Variants in NTNG2 observed in about 807,000 individuals in gnomAD.
NTNG2 encodes the protein netrin-G2.
NTNG2 carries 15 observed loss-of-function variants against 47.6 expected under a neutral mutation model. The ratio of observed to expected loss-of-function variants is 0.32; its 90% CI spans 0.21 to 0.49. NTNG2 has a LOEUF of 0.49. Among genes scored for constraint, NTNG2 ranks in the 20% least tolerant of loss-of-function variants. NTNG2 has a pLI of 0.99. For synonymous variants in NTNG2, 307 were observed against 324.6 expected (o/e 0.95, Z 0.58); for missense variants, 578 against 764.6 (o/e 0.76, Z 2.88).
At chr9:132,233,640 C>T (rs967248854) in intron 5 of NTNG2, 8 of 152,212 alleles carry the variant, frequency 5.3e-5, no homozygotes, top group African/African-American at 1.7e-4. Flanking sequence ...CTAGGGGCTC[C>T]TCCCTCCTCT....
intron 2 of NTNG2, among the ~76,000 whole-genome samples, chr9:132,192,590 C>CA (rs975331985): frequency 9.2e-5 from 14 of 151,886 alleles, no homozygotes; most frequent in African/African-American, 3.4e-4. Flanking sequence ...GATTCTGTCT[C>CA]AAAAAACAAA....
At chr9:132,241,290 T>C (rs1841969813) in intron 7 of NTNG2, among the ~76,000 whole-genome samples, 2 of 146,042 alleles carry the variant, frequency 1.4e-5, no homozygotes, top group African/African-American at 5.2e-5. Context: ...GTTGGGATAG[T>C]TGGCAGGGGC....
chr9:132,240,812 G>A lies in NTNG2; in HGVS notation c.1223-98G>A, dbSNP rs530847211. 6 of 1,552,712 alleles carry A rather than the reference G, an allele frequency of 3.9e-6. No homozygotes were observed. In the South Asian group the frequency reaches 4.6e-5, roughly 12 times the overall value. Reference sequence around the variant, plus strand: ...CAGTGTGGGGAGCATCCCCTGGGGAGTGTGGAGATGCTCCCTGCGAGGCCG... The same window carrying A: ...CAGTGTGGGGAGCATCCCCTGGGGAATGTGGAGATGCTCCCTGCGAGGCCG... On this transcript the variant is annotated intron_variant, in intron 6 of 7. Coordinates refer to ENST00000393229, the MANE Select transcript of NTNG2 (RefSeq NM_032536.4).
At chr9:132,210,785 T>A (rs1215903266) in intron 3 of NTNG2, among the ~76,000 whole-genome samples, 1 of 152,120 alleles carries the variant, frequency 6.6e-6, no homozygotes, top group Non-Finnish European at 1.5e-5. Context: ...GCTGCCTCCC[T>A]CCACATCTCA....
chr9:132,192,861 C>T (rs996323195), intron 2 of NTNG2, among the ~76,000 whole-genome samples: 20 of 152,210 alleles, frequency 1.3e-4, no homozygotes, highest in Non-Finnish European at 2.4e-4. Flanking sequence ...TGAGCTCGCT[C>T]CACAGCAGGC....
intron 4 of NTNG2, 134 bp from the exon 5 acceptor site, chr9:132,230,438 G>A (rs1564439304): frequency 1.3e-6 from 1 of 744,356 alleles, no homozygotes; most frequent in Non-Finnish European, 2.4e-6. Flanking sequence ...GCTAGCAGTT[G>A]TGTGGTGGAG....
intron 2 of NTNG2, among the ~76,000 whole-genome samples, chr9:132,177,877 G>A (rs773813804): frequency 1.3e-5 from 2 of 152,162 alleles, no homozygotes; most frequent in Admixed American, 6.5e-5. Context: ...GGCTGATCTC[G>A]AACTCCTGGA....
chr9:132,179,649 A>T (rs1159650930), intron 2 of NTNG2, among the ~76,000 whole-genome samples: 1 of 152,222 alleles, frequency 6.6e-6, no homozygotes, highest in East Asian at 1.9e-4. Flanking sequence ...GTGGCAATTC[A>T]GAGAAAGACG....
intron 2 of NTNG2, 126 bp downstream of exon 2, chr9:132,167,170 A>G (rs1391694969): frequency 1.7e-5 from 17 of 1,014,230 alleles, no homozygotes; most frequent in Non-Finnish European, 2.2e-5. Context: ...CCTCTTGACC[A>G]GGTCTGGACC....
chr9:132,170,491 G>A (rs900334130), intron 2 of NTNG2, among the ~76,000 whole-genome samples: 9 of 152,240 alleles, frequency 5.9e-5, no homozygotes, highest in African/African-American at 1.7e-4. Context: ...AGGGCGACGG[G>A]CAAAGGCATC....
Position 132,226,752 on chromosome 9 carries a change from C to G in NTNG2, c.858-97C>G. 1.7e-6 allele frequency: 2 copies of G among 1,160,614 alleles called. No homozygotes were observed. The highest frequency in any genetic ancestry group is 3.2e-5 in the South Asian group (2 of 62,344). The allele number at this position is 1,160,614 out of a possible 1,614,324, so 71.9% of individuals were successfully genotyped here. A position where few individuals can be genotyped will look rare whatever the true frequency, so the allele number is the denominator to read the frequency against. The stretch of plus-strand genomic sequence containing the variant: ...GTTTCTTCCTGGGCAGCCCAACACC[C>G]TCCTGGGCCCCTCCTGGGAGGCGCT... On this transcript the variant is annotated intron_variant, in intron 3 of 7. Transcript: ENST00000393229. The surrounding 1 kb of genome is among the most constrained non-coding windows in gnomAD (Gnocchi z 4.8).
intron 2 of NTNG2, among the ~76,000 whole-genome samples, chr9:132,171,801 T>A (rs1198975993): frequency 6.6e-6 from 1 of 152,176 alleles, no homozygotes. Context: ...CATGAAATGT[T>A]TCCATCCAAC....
chr9:132,208,791 C>G lies in NTNG2; in HGVS notation c.857+10182C>G, dbSNP rs1467764341. ...AAGTGGACCTTTTGGGGGTACAATT[C>G]TAGGAATTTTAGCACGTGGATAGAG... On this transcript the variant is annotated intron_variant, in intron 3 of 7. Coordinates refer to ENST00000393229, the MANE Select transcript of NTNG2 (RefSeq NM_032536.4). This position sits in a 1 kb window ranked among gnomAD's most constrained non-coding sequence, Gnocchi z 4.0. Among the ~76,000 whole-genome samples, 3 of 151,902 alleles carry G rather than the reference C, an allele frequency of 2.0e-5. No homozygotes were observed. In the East Asian group the frequency reaches 5.8e-4, roughly 29 times the overall value.
chr9:132,190,309 T>C (rs912471400), intron 2 of NTNG2, among the ~76,000 whole-genome samples: 14 of 144,738 alleles, frequency 9.7e-5, no homozygotes, highest in Non-Finnish European at 1.2e-4. Flanking sequence ...CTCAAGGAAA[T>C]TGGGGGACTC....
rs1040551564 is a variant in NTNG2, at chr9:132,236,649, G to A, written c.1055-2455G>A. Among the ~76,000 whole-genome samples the A allele has an allele frequency of 6.6e-6, 1 of 152,236 alleles. No homozygotes were observed. The highest frequency in any genetic ancestry group is 1.5e-5 in the Non-Finnish European group (1 of 68,036). On this transcript the variant is annotated intron_variant, in intron 5 of 7. Coordinates refer to ENST00000393229, the MANE Select transcript of NTNG2 (RefSeq NM_032536.4). This position sits in a 1 kb window ranked among gnomAD's most constrained non-coding sequence, Gnocchi z 4.3. The stretch of plus-strand genomic sequence containing the variant: ...CTAGAAACCTGGAGGACCTGGGCCT[G>A]GTGTCCTCTGTGGTGATGGAGACAG...
chr9:132,169,144 C>T (rs565703222), intron 2 of NTNG2, among the ~76,000 whole-genome samples: 1 of 152,372 alleles, frequency 6.6e-6, no homozygotes, highest in African/African-American at 2.4e-5. Flanking sequence ...CCTGGGCAGA[C>T]AGGTGGGGAA....
chr9:132,198,788 G>T lies in NTNG2; in HGVS notation c.857+179G>T, dbSNP rs529499460. ...ATACATCGTTACCTGGTTCCCCGGG[G>T]GTTACCTGGTATGTGATACATCGTT... On this transcript the variant is annotated intron_variant, in intron 3 of 7. Transcript: ENST00000393229. 4.3e-4 allele frequency among the ~76,000 whole-genome samples: 66 copies of T among 152,036 alleles called. 1 individual carries two copies. Among genetic ancestry groups the T allele is most frequent in the South Asian group, 3.5e-3 (17 of 4,806 alleles).
chr9:132,186,693 G>T (rs1052483049), intron 2 of NTNG2, among the ~76,000 whole-genome samples: 1 of 152,260 alleles, frequency 6.6e-6, no homozygotes, highest in Non-Finnish European at 1.5e-5. Flanking sequence ...CCGAATTGGT[G>T]TAAGAAGACT....
intron 2 of NTNG2, among the ~76,000 whole-genome samples, chr9:132,173,771 G>A (rs1386692876): frequency 6.8e-6 from 1 of 147,940 alleles, no homozygotes; most frequent in African/African-American, 2.5e-5. Flanking sequence ...GAACGGAGAG[G>A]CAGGCAGGTC....
Sources: gnomAD v4.1 joint callset for allele counts (sites outside exome capture counted in the v4.1 genomes callset) on GRCh38, gnomAD v4.1.1 for gene constraint, Gnocchi (gnomAD v3.1) non-coding constraint, MANE v1.5 for transcripts, NCBI Gene and HGNC (gene_info 2026-07-23, HGNC 2026-07-21) for gene names.